ADGRL3: variants seen among roughly 807,000 people sequenced by gnomAD.
ADGRL3 encodes the protein adhesion G protein-coupled receptor L3, also known as calcium-independent alpha-latrotoxin receptor 3.
Under a neutral mutation model 153.5 loss-of-function variants are expected in ADGRL3, and 62 were observed. That is an observed-to-expected ratio of 0.40 (90% CI 0.33 to 0.50). The LOEUF (loss-of-function observed/expected upper bound fraction) is 0.50. ADGRL3 is among the 20% of genes least tolerant of loss of function. The pLI, the probability that ADGRL3 is intolerant of heterozygous loss-of-function variation, is 0.47. For missense variants in ADGRL3, 1,641 were observed against 1,859.4 expected, an observed-to-expected ratio of 0.88 and a Z score of 2.16; for synonymous variants, 710 against 672.5, an observed-to-expected ratio of 1.06 and a Z score of -0.86.
Position 61,587,550 on chromosome 4 carries a change from C to T in ADGRL3, c.473+110C>T, listed in dbSNP as rs2098951304. ...AAACAGTGTTATGTATTTTAGGACA[C>T]TTCAAAATAGTTTTTCCATATCTGA... On this transcript the variant is annotated intron_variant, in intron 5 of 26. Coordinates refer to ENST00000683033, the MANE Select transcript of ADGRL3 (RefSeq NM_001387552.1). 3.7e-6 allele frequency: 3 copies of T among 813,526 alleles called. No individual in the cohort carries two copies. In the South Asian group the frequency reaches 5.9e-5, roughly 16 times the overall value. The allele number at this position is 813,526 out of a possible 1,614,324, so 50.4% of individuals were successfully genotyped here. A position where few individuals can be genotyped will look rare whatever the true frequency, so the allele number is the denominator to read the frequency against.
At position 61,215,673 on chromosome 4, in the gene ADGRL3, T is replaced by A. The variant is rs192582099; in HGVS notation, c.-240+13908T>A. On this transcript the variant is annotated intron_variant, in intron 1 of 26. Transcript: ENST00000683033. ...TTCACGCCATTCTCCTGCCTCAGCC[T>A]CCTGAGTAGCTGGGACTGCAGGCGC... Among the ~76,000 whole-genome samples, 83 of 147,842 alleles carry A rather than the reference T, an allele frequency of 5.6e-4. No individual in the cohort carries two copies. The East Asian group carries it at 0.016, about 28-fold the overall frequency.
intron 1 of ADGRL3, among the ~76,000 whole-genome samples, chr4:61,359,123 A>G (rs2096243564): frequency 6.6e-6 from 1 of 152,140 alleles, no homozygotes; most frequent in Admixed American, 6.5e-5. Flanking sequence ...AGCAAATCCT[A>G]TGGCTTCTAC....
intron 9 of ADGRL3, among the ~76,000 whole-genome samples, chr4:61,853,880 A>G (rs569566207): frequency 6.6e-6 from 1 of 152,318 alleles, no homozygotes; most frequent in South Asian, 2.1e-4. Flanking sequence ...ATTCCCTAAC[A>G]TAATTGTTTT....
At chr4:61,772,796 T>C (rs2097101787) in intron 8 of ADGRL3, among the ~76,000 whole-genome samples, 1 of 152,126 alleles carries the variant, frequency 6.6e-6, no homozygotes, top group African/African-American at 2.4e-5. Flanking sequence ...CATTTGCCAT[T>C]TCTCAATTTC....
intron 2 of ADGRL3, among the ~76,000 whole-genome samples, chr4:61,480,644 G>A (rs1380852262): frequency 1.3e-5 from 2 of 151,844 alleles, no homozygotes; most frequent in African/African-American, 4.8e-5. Flanking sequence ...TTAGCTGGGC[G>A]GGGTTTCGGG....
intron 1 of ADGRL3, among the ~76,000 whole-genome samples, chr4:61,316,959 T>A (rs918821994): frequency 5.0e-4 from 76 of 152,346 alleles, no homozygotes; most frequent in African/African-American, 1.5e-3. Flanking sequence ...TTCCTGATAA[T>A]ACAGAAATTG....
chr4:61,583,724 CAGA>C (rs535483199), intron 4 of ADGRL3: 50 of 518,290 alleles, frequency 9.6e-5, no homozygotes, highest in Non-Finnish European at 1.8e-4. Flanking sequence ...GGCATCCTAG[CAGA>C]AGGTTTCCAG....
intron 5 of ADGRL3, among the ~76,000 whole-genome samples, chr4:61,635,071 A>T (rs2093357332): frequency 6.6e-6 from 1 of 152,150 alleles, no homozygotes; most frequent in African/African-American, 2.4e-5. Flanking sequence ...CTCACTGAGA[A>T]CTAAAAGAAG....
chr4:61,281,454 A>G (rs986138226), intron 1 of ADGRL3, among the ~76,000 whole-genome samples: 2 of 152,156 alleles, frequency 1.3e-5, no homozygotes, highest in East Asian at 3.8e-4. Context: ...AGGACTTACA[A>G]TGCTTGCAGG....
chr4:61,209,344 A>G (rs1231463465), intron 1 of ADGRL3, among the ~76,000 whole-genome samples: 1 of 152,148 alleles, frequency 6.6e-6, no homozygotes, highest in East Asian at 1.9e-4. Flanking sequence ...AGAGATAATA[A>G]AGTTTACATT....
chr4:61,868,872 TCCA>T (rs1328125682), intron 9 of ADGRL3, among the ~76,000 whole-genome samples: 2 of 152,160 alleles, frequency 1.3e-5, no homozygotes, highest in Admixed American at 1.3e-4. Context: ...TAAACTGCTT[TCCA>T]GCGATGCTAT....
At chr4:61,723,344 C>T (rs561180852) in intron 6 of ADGRL3, among the ~76,000 whole-genome samples, 4 of 152,162 alleles carry the variant, frequency 2.6e-5, no homozygotes, top group African/African-American at 7.2e-5. Flanking sequence ...TTGTCTCACA[C>T]GGATAAGATT....
chr4:61,380,281 C>T (rs1324332115), intron 1 of ADGRL3, among the ~76,000 whole-genome samples: 1 of 151,954 alleles, frequency 6.6e-6, no homozygotes, highest in Non-Finnish European at 1.5e-5. Flanking sequence ...CAGAGGTTAG[C>T]TCTGTGAGTG....
chr4:61,218,353 C>T (rs1017873989), intron 1 of ADGRL3, among the ~76,000 whole-genome samples: 2 of 151,896 alleles, frequency 1.3e-5, no homozygotes, highest in Admixed American at 1.3e-4. Flanking sequence ...CTCTGTCACC[C>T]AGGCTGGAGT....
chr4:61,775,387 C>CT (rs987898374), intron 8 of ADGRL3: 14 of 459,906 alleles, frequency 3.0e-5, no homozygotes, highest in East Asian at 2.1e-4. Context: ...CTAAAATTTT[C>CT]TTTTTTTTCT....
At chr4:61,893,790 C>T (rs945444374) in intron 10 of ADGRL3, among the ~76,000 whole-genome samples, 1 of 150,806 alleles carries the variant, frequency 6.6e-6, no homozygotes. Context: ...TCGGCTTACC[C>T]TCCGCCTCCA....
At chr4:61,670,163 A>T (rs1286382450) in intron 5 of ADGRL3, among the ~76,000 whole-genome samples, 3 of 152,084 alleles carry the variant, frequency 2.0e-5, no homozygotes, top group Non-Finnish European at 2.9e-5. Context: ...GTGTGGTGTC[A>T]TGCACCTTGA....
At chr4:61,236,598 ATTTT>A (rs752414215) in intron 1 of ADGRL3, among the ~76,000 whole-genome samples, 18 of 152,212 alleles carry the variant, frequency 1.2e-4, no homozygotes, top group Non-Finnish European at 1.8e-4. Context: ...TATGAAATAA[ATTTT>A]TTATGAGTAT....
intron 17 of ADGRL3, among the ~76,000 whole-genome samples, chr4:61,966,197 T>C (rs933341408): frequency 6.6e-6 from 1 of 152,214 alleles, no homozygotes; most frequent in Non-Finnish European, 1.5e-5. Flanking sequence ...TTTATACTTA[T>C]ATTGTTTTGT....
Sources: allele counts gnomAD v4.1 joint callset (sites outside exome capture counted in the v4.1 genomes callset), GRCh38; gene constraint gnomAD v4.1.1; transcripts MANE v1.5; gene names NCBI Gene and HGNC (gene_info 2026-07-23, HGNC 2026-07-21).